ARIH1: variants seen among roughly 807,000 people sequenced by gnomAD.
ARIH1 encodes the protein ariadne RBR E3 ubiquitin protein ligase 1.
ARIH1 carries 8 observed loss-of-function variants against 85.0 expected under a neutral mutation model. The observed-to-expected ratio is 0.09, with a 90% confidence interval of 0.06 to 0.17. The LOEUF (loss-of-function observed/expected upper bound fraction) is 0.17, where lower values mean the gene tolerates loss of function less well. Ranked by LOEUF, ARIH1 falls within the 10% of genes least tolerant of loss-of-function variation. The pLI is 1.00. For missense variants in ARIH1, 311 were observed against 718.1 expected (o/e 0.43, Z 6.48); for synonymous variants, 238 against 253.6 (o/e 0.94, Z 0.59).
intron 5 of ARIH1, among the ~76,000 whole-genome samples, chr15:72,559,221 C>T (rs2064187327): frequency 6.6e-6 from 1 of 152,010 alleles, no homozygotes; most frequent in Admixed American, 6.6e-5. Flanking sequence ...AATAAGTGGA[C>T]CCATGCAGTT....
At chr15:72,536,091 A>G (rs2064080723) in intron 2 of ARIH1, among the ~76,000 whole-genome samples, 1 of 152,224 alleles carries the variant, frequency 6.6e-6, no homozygotes, top group Non-Finnish European at 1.5e-5. Context: ...GTCGTAGACA[A>G]CCACCAGTAA....
chr15:72,475,131 C>A, intron 1 of ARIH1, 117 bp downstream of exon 1: 1 of 1,443,886 alleles, frequency 6.9e-7, no homozygotes, highest in Non-Finnish European at 9.2e-7. Context: ...CGGTGCCTCC[C>A]GGCCTTGTCT....
chr15:72,518,363 G>T (rs1438204364), intron 2 of ARIH1, among the ~76,000 whole-genome samples: 1 of 47,940 alleles, frequency 2.1e-5, no homozygotes, highest in Non-Finnish European at 2.1e-4. Context: ...GAGTATGTGT[G>T]TTTGGGGGTG....
At chr15:72,492,002 C>T (rs879870431) in intron 1 of ARIH1, among the ~76,000 whole-genome samples, 6 of 152,136 alleles carry the variant, frequency 3.9e-5, no homozygotes, top group Admixed American at 6.6e-5. Context: ...TGACTTGTGA[C>T]TTCATTGCTG....
intron 5 of ARIH1, among the ~76,000 whole-genome samples, chr15:72,557,747 G>GACCC (rs2064180815): frequency 6.6e-6 from 1 of 152,110 alleles, no homozygotes; most frequent in African/African-American, 2.4e-5. Context: ...TAGGGGTCAA[G>GACCC]TTTCATTCTT....
chr15:72,476,519 CA>C (rs781781282), intron 1 of ARIH1, among the ~76,000 whole-genome samples: 5 of 152,048 alleles, frequency 3.3e-5, no homozygotes, highest in Admixed American at 1.3e-4. Flanking sequence ...CGCGCTCCAC[CA>C]TGCTCAGCTA....
intron 1 of ARIH1, among the ~76,000 whole-genome samples, chr15:72,477,196 T>C (rs1035161450): frequency 2.6e-5 from 4 of 152,242 alleles, no homozygotes; most frequent in African/African-American, 9.6e-5. Flanking sequence ...TTATGTTTAT[T>C]GGGCTTGGTA....
At chr15:72,555,807 A>G in intron 4 of ARIH1, 45 bp from the exon 5 acceptor site, 1 of 1,537,940 alleles carries the variant, frequency 6.5e-7, no homozygotes, top group Non-Finnish European at 9.0e-7. Context: ...AGCATTCATT[A>G]AATATTTGTT....
In ARIH1 at chr15:72,588,042, A is replaced by C. The variant is rs1317313701; in HGVS notation, c.*4750A>C. Reference sequence around the variant, plus strand: ...GTTAAAGTTTGTATATCAGTCACACATTGATATGTAGCAGCTCTATCAATA... The same window carrying C: ...GTTAAAGTTTGTATATCAGTCACACCTTGATATGTAGCAGCTCTATCAATA... On this transcript the variant is annotated 3_prime_UTR_variant, in exon 14 of 14. Coordinates refer to ENST00000379887, the MANE Select transcript of ARIH1 (RefSeq NM_005744.5). 4 of 152,228 alleles carry C rather than the reference A, an allele frequency of 2.6e-5. No individual in the cohort carries two copies. Among genetic ancestry groups the C allele is most frequent in the African/African-American group, 9.6e-5 (4 of 41,458 alleles). The allele number at this position is 152,228 out of a possible 1,614,324, so 9.4% of individuals were successfully genotyped here.
rs1369809419 is a variant in ARIH1, at chr15:72,555,594, T to C, written c.681+231T>C. On this transcript the variant is annotated intron_variant, in intron 4 of 13. Transcript: ENST00000379887. ...AATATTGGTATATGTTAACTTAAACTTGTTGCACGATTTTGTCAGATTATC... is the reference window on the plus strand; with the variant it reads ...AATATTGGTATATGTTAACTTAAACCTGTTGCACGATTTTGTCAGATTATC... 3.9e-5 allele frequency among the ~76,000 whole-genome samples: 6 copies of C among 152,262 alleles called. No individual in the cohort carries two copies. In the East Asian group the frequency reaches 1.2e-3, roughly 29 times the overall value.
intron 11 of ARIH1, among the ~76,000 whole-genome samples, chr15:72,572,601 A>G (rs1467935703): frequency 6.6e-6 from 1 of 152,216 alleles, no homozygotes; most frequent in Non-Finnish European, 1.5e-5. Context: ...ACATTTAGAA[A>G]GGGAATCTTA....
intron 2 of ARIH1, among the ~76,000 whole-genome samples, chr15:72,524,919 C>G (rs1223656423): frequency 1.3e-5 from 2 of 152,180 alleles, no homozygotes; most frequent in African/African-American, 2.4e-5. Flanking sequence ...GGGTCTCACT[C>G]TGTCACCCAG....
At chr15:72,577,042 G>T (rs2064274750) in intron 11 of ARIH1, among the ~76,000 whole-genome samples, 2 of 151,178 alleles carry the variant, frequency 1.3e-5, no homozygotes, top group South Asian at 4.2e-4. Context: ...GAGTGCCAGT[G>T]GCAGGTCTCA....
At chr15:72,533,209 G>A (rs2064065788) in intron 2 of ARIH1, among the ~76,000 whole-genome samples, 1 of 152,070 alleles carries the variant, frequency 6.6e-6, no homozygotes, top group Admixed American at 6.6e-5. Context: ...GCTCACTGCA[G>A]CCCCCTACCT....
intron 2 of ARIH1, among the ~76,000 whole-genome samples, chr15:72,534,541 T>C (rs997036509): frequency 6.6e-6 from 1 of 152,244 alleles, no homozygotes; most frequent in Non-Finnish European, 1.5e-5. Flanking sequence ...TTCCTGGACA[T>C]GTAGGATTAA....
intron 6 of ARIH1, among the ~76,000 whole-genome samples, chr15:72,562,427 T>C (rs2064201100): frequency 6.6e-6 from 1 of 152,172 alleles, no homozygotes; most frequent in East Asian, 1.9e-4. Flanking sequence ...ATTATTTCTG[T>C]TAGAGATTAA....
At position 72,598,375 on chromosome 15, in the gene ARIH1, A is replaced by G. The variant is rs1567366666; in HGVS notation, c.*15083A>G. The G allele has an allele frequency of 6.6e-6, 1 of 152,132 alleles. No individual in the cohort carries two copies. The highest frequency in any genetic ancestry group is 1.5e-5 in the Non-Finnish European group (1 of 68,022). 9.4% of individuals were successfully genotyped at this position (152,132 alleles called of 1,614,324 possible). On this transcript the variant is annotated 3_prime_UTR_variant, in exon 14 of 14. Transcript: ENST00000379887. Reference sequence around the variant, plus strand: ...AGGTATATTCCTTGTGACTTTGTTCATATCACTAGTGAATTTCAGAAGTAG... The same window carrying G: ...AGGTATATTCCTTGTGACTTTGTTCGTATCACTAGTGAATTTCAGAAGTAG...
intron 1 of ARIH1, among the ~76,000 whole-genome samples, chr15:72,488,811 T>C (rs2063847489): frequency 2.0e-5 from 3 of 152,232 alleles, no homozygotes; most frequent in African/African-American, 4.8e-5. Context: ...TGTAAGAAGA[T>C]GGCAAGGAAG....
At chr15:72,535,111 C>G (rs2064076072) in intron 2 of ARIH1, among the ~76,000 whole-genome samples, 2 of 150,784 alleles carry the variant, frequency 1.3e-5, no homozygotes, top group Non-Finnish European at 3.0e-5. Flanking sequence ...GCCACCTCGC[C>G]CGGCTAATTT....
Sources: allele counts gnomAD v4.1 joint callset (sites outside exome capture counted in the v4.1 genomes callset), GRCh38; gene constraint gnomAD v4.1.1; transcripts MANE v1.5; gene names NCBI Gene and HGNC (gene_info 2026-07-23, HGNC 2026-07-21).